Variants in DCBLD1 observed in about 807,000 individuals in gnomAD.
DCBLD1 encodes the protein discoidin, CUB and LCCL domain containing 1, also known as discoidin, CUB and LCCL domain-containing protein 1.
A neutral mutation model predicts 71.5 loss-of-function variants in DCBLD1; 57 were observed. The ratio of observed to expected loss-of-function variants is 0.80; its 90% CI spans 0.64 to 0.99. The LOEUF (loss-of-function observed/expected upper bound fraction) is 0.99. DCBLD1 is among the 50% of genes least tolerant of loss of function. DCBLD1 has a pLI of 0.00. For synonymous variants in DCBLD1, 380 were observed against 363.8 expected (o/e 1.04, Z -0.51); for missense variants, 891 against 923.5 (o/e 0.96, Z 0.46).
intron 1 of DCBLD1, among the ~76,000 whole-genome samples, chr6:117,487,852 G>A (rs933277628): frequency 1.3e-4 from 19 of 151,618 alleles, no homozygotes; most frequent in African/African-American, 4.1e-4. Context: ...TCCAAACTGA[G>A]GAGTCATGTG....
chr6:117,512,276 C>T (rs117042795), intron 2 of DCBLD1, among the ~76,000 whole-genome samples: 29 of 152,280 alleles, frequency 1.9e-4, no homozygotes, highest in East Asian at 9.7e-4. Context: ...TCTAAGAATC[C>T]GCCTGCTTCA....
chr6:117,493,958 G>A (rs184243425), intron 1 of DCBLD1, among the ~76,000 whole-genome samples: 1 of 152,192 alleles, frequency 6.6e-6, no homozygotes, highest in Admixed American at 6.5e-5. Flanking sequence ...GTGTGTATCT[G>A]TATATATATG....
chr6:117,545,923 A>T (rs1473963266), intron 14 of DCBLD1, among the ~76,000 whole-genome samples: 8 of 152,202 alleles, frequency 5.3e-5, no homozygotes, highest in African/African-American at 1.7e-4. Context: ...GGCTGAAAGG[A>T]GGAATTAAAT....
At chr6:117,553,348 T>A (rs954410994), downstream of DCBLD1, among the ~76,000 whole-genome samples, 2 of 152,164 alleles carry the variant, frequency 1.3e-5, no homozygotes, top group African/African-American at 4.8e-5. Context: ...TCCTCCTTCC[T>A]TCCTGTGTCA....
chr6:117,515,022 T>G (rs1384553770), intron 2 of DCBLD1, among the ~76,000 whole-genome samples: 68 of 146,962 alleles, frequency 4.6e-4, no homozygotes, highest in Middle Eastern at 3.5e-3. Flanking sequence ...GTTTGTGGGT[T>G]TTTTTTTTTT....
In DCBLD1 at chr6:117,545,648, T is replaced by TG. The variant is rs144715644; in HGVS notation, c.1615+56dup. The TG allele has an allele frequency of 4.2e-4, 661 of 1,577,132 alleles. 2 individuals carry two copies. In the African/African-American group the frequency reaches 8.3e-3, roughly 20 times the overall value. On this transcript the variant is annotated intron_variant, in intron 14 of 14. Transcript: ENST00000338728. Reference sequence around the variant, plus strand: ...GCTATTAGATTGGAGGTGCTGCTTGTGGGGGAGGGAGACAGGAGAGAAATA... The same window carrying TG: ...GCTATTAGATTGGAGGTGCTGCTTGTGGGGGGAGGGAGACAGGAGAGAAATA...
Position 117,539,354 on chromosome 6 carries a change from A to G in DCBLD1, c.1076A>G (p.Lys359Arg), listed in dbSNP as rs1583025400. ...KNNNSKWKTYKGIVNNEEKVF... is the reference protein window; with the variant it reads ...KNNNSKWKTYRGIVNNEEKVF... The stretch of plus-strand genomic sequence containing the variant: ...AATAATTCTAAGTGGAAGACCTATA[A>G]AGGAATTGTGAATAATGAAGAAAAG... Residue 359 changes from lysine (K) to arginine (R), a missense_variant, in exon 9 of 15, where the codon AAA becomes AGA. Lys to Arg is a conservative substitution (Grantham distance 26). Coordinates refer to ENST00000338728, the MANE Select transcript of DCBLD1 (RefSeq NM_001366458.2). 6.9e-6 allele frequency: 11 copies of G among 1,604,248 alleles called. No homozygotes were observed. Among genetic ancestry groups the G allele is most frequent in the Non-Finnish European group, 9.3e-6 (11 of 1,178,028 alleles).
intron 1 of DCBLD1, among the ~76,000 whole-genome samples, 155 bp downstream of exon 1, chr6:117,483,048 C>G (rs1319712882): frequency 1.3e-5 from 2 of 151,972 alleles, no homozygotes; most frequent in Non-Finnish European, 2.9e-5. Context: ...CTGCCATCCG[C>G]GGAGTCCGGC....
chr6:117,557,328 C>T (rs761836932), intron 14 of DCBLD1, among the ~76,000 whole-genome samples: 1 of 152,118 alleles, frequency 6.6e-6, no homozygotes, highest in Non-Finnish European at 1.5e-5. Flanking sequence ...TATATTCTTT[C>T]TCCTTTCACT....
chr6:117,485,382 A>T (rs1562423578), intron 1 of DCBLD1, among the ~76,000 whole-genome samples: 2 of 152,228 alleles, frequency 1.3e-5, no homozygotes, highest in East Asian at 1.9e-4. Flanking sequence ...TTGCTTCAAA[A>T]CCCTCTGCCC....
chr6:117,549,361 G>A lies in DCBLD1; in HGVS notation c.*922G>A. 2.0e-6 allele frequency: 2 copies of A among 985,414 alleles called. No individual in the cohort carries two copies. Among genetic ancestry groups the A allele is most frequent in the Non-Finnish European group, 2.4e-6 (2 of 829,944 alleles). The allele number at this position is 985,414 out of a possible 1,614,324, so 61.0% of individuals were successfully genotyped here. A position where few individuals can be genotyped will look rare whatever the true frequency, so the allele number is the denominator to read the frequency against. On this transcript the variant is annotated 3_prime_UTR_variant, in exon 15 of 15. Coordinates refer to ENST00000338728, the MANE Select transcript of DCBLD1 (RefSeq NM_001366458.2). The stretch of plus-strand genomic sequence containing the variant: ...TTCATGCAAAAGTGATTCTGACCAA[G>A]TCTAAATCGAGCTTTTCTACTGACA...
chr6:117,547,576 A>T (rs191364305), intron 14 of DCBLD1: 2 of 596,686 alleles, frequency 3.4e-6, no homozygotes, highest in African/African-American at 3.7e-5. Context: ...CTCCATTTCC[A>T]CACTGTGTGA....
intron 1 of DCBLD1, among the ~76,000 whole-genome samples, chr6:117,503,347 A>G (rs954337216): frequency 6.6e-6 from 1 of 152,234 alleles, no homozygotes; most frequent in African/African-American, 2.4e-5. Context: ...TTTTCTGTAC[A>G]TTATCTCATT....
chr6:117,527,256 C>G (rs373756847), intron 5 of DCBLD1, among the ~76,000 whole-genome samples: 1 of 152,152 alleles, frequency 6.6e-6, no homozygotes, highest in Non-Finnish European at 1.5e-5. Flanking sequence ...AAGAAAATCT[C>G]AGCCCCCACC....
intron 2 of DCBLD1, among the ~76,000 whole-genome samples, chr6:117,508,654 T>G (rs1364197863): frequency 6.6e-6 from 1 of 152,160 alleles, no homozygotes; most frequent in Non-Finnish European, 1.5e-5. Flanking sequence ...AGAGGTTTGT[T>G]TTTGCCCCCA....
In DCBLD1 at chr6:117,548,031, C is replaced by T. The variant is rs1390211041; in HGVS notation, c.1740C>T (p.Cys580=). Residue 580 remains cysteine (C), a synonymous_variant, in exon 15 of 15, where the codon TGC becomes TGT. Coordinates refer to ENST00000338728, the MANE Select transcript of DCBLD1 (RefSeq NM_001366458.2). The part of the protein sequence containing the change: ...VSTDAGGHYD[C]PQRAGRHEYA... ...CCGATGCCGGCGGCCACTATGACTGCCCGCAGCGGGCCGGCCGCCACGAGT... is the reference window on the plus strand; with the variant it reads ...CCGATGCCGGCGGCCACTATGACTGTCCGCAGCGGGCCGGCCGCCACGAGT... The T allele has an allele frequency of 6.5e-7, 1 of 1,549,618 alleles. No homozygotes were observed. Among genetic ancestry groups the T allele is most frequent in the African/African-American group, 1.4e-5 (1 of 73,036 alleles).
chr6:117,545,643 G>A lies in DCBLD1; in HGVS notation c.1615+46G>A, dbSNP rs1275767973. 3 of 1,580,338 alleles carry A rather than the reference G, an allele frequency of 1.9e-6. No homozygotes were observed. The East Asian group carries it at 6.9e-5, about 36-fold the overall frequency. On this transcript the variant is annotated intron_variant, in intron 14 of 14. Coordinates refer to ENST00000338728, the MANE Select transcript of DCBLD1 (RefSeq NM_001366458.2). The stretch of plus-strand genomic sequence containing the variant: ...ACTGTGCTATTAGATTGGAGGTGCT[G>A]CTTGTGGGGGAGGGAGACAGGAGAG...
intron 6 of DCBLD1, among the ~76,000 whole-genome samples, chr6:117,536,427 G>A (rs149465960): frequency 1.4e-3 from 214 of 152,294 alleles, no homozygotes; most frequent in African/African-American, 4.8e-3. Context: ...AGGTAGATAA[G>A]GACATTCCTG....
chr6:117,547,738 G>A, intron 14 of DCBLD1, 169 bp from the exon 15 acceptor site: 1 of 1,424,336 alleles, frequency 7.0e-7, no homozygotes, highest in Non-Finnish European at 9.7e-7. Context: ...ACTGCCTGCG[G>A]GTGGCTTCTG....
Sources: allele counts gnomAD v4.1 joint callset (sites outside exome capture counted in the v4.1 genomes callset), GRCh38; gene constraint gnomAD v4.1.1; transcripts MANE v1.5; gene names NCBI Gene and HGNC (gene_info 2026-07-23, HGNC 2026-07-21).